Variants in PPIA observed in about 807,000 individuals in gnomAD.
PPIA encodes the protein peptidylprolyl isomerase A.
A neutral mutation model predicts 15.3 loss-of-function variants in PPIA; 2 were observed. The ratio of observed to expected loss-of-function variants is 0.13; its 90% confidence interval spans 0.05 to 0.41. PPIA has a LOEUF of 0.41. Among genes scored for constraint, PPIA ranks in the 10% least tolerant of loss-of-function variants. The pLI is 0.99. For synonymous variants in PPIA, 67 were observed against 73.1 expected, an observed-to-expected ratio of 0.92 and a Z score of 0.43; for missense variants, 103 against 210.3, an observed-to-expected ratio of 0.49 and a Z score of 3.16.
Position 44,799,685 on chromosome 7 carries a change from T to C in PPIA, c.190-17T>C. ...GGTTATGTTGTCAGAAGTGACATTTTTCCTATATGTTGACAGGGTGGTGAC... is the reference window on the plus strand; with the variant it reads ...GGTTATGTTGTCAGAAGTGACATTTCTCCTATATGTTGACAGGGTGGTGAC... On this transcript the variant is annotated splice_polypyrimidine_tract_variant and intron_variant, in intron 3 of 4. Transcript: ENST00000468812. The C allele has an allele frequency of 6.2e-7, 1 of 1,613,916 alleles. No individual in the cohort carries two copies. Among genetic ancestry groups the C allele is most frequent in the Non-Finnish European group, 8.5e-7 (1 of 1,179,814 alleles).
intron 1 of PPIA, 86 bp from the exon 2 acceptor site, chr7:44,799,161 G>A (rs1792468439): frequency 7.1e-7 from 1 of 1,416,098 alleles, no homozygotes. Flanking sequence ...GTGAGAAAAT[G>A]AATTTATGAC....
intron 4 of PPIA, among the ~76,000 whole-genome samples, chr7:44,801,042 C>A (rs1052873498): frequency 1.3e-5 from 2 of 152,134 alleles, no homozygotes; most frequent in African/African-American, 4.8e-5. Flanking sequence ...TGGTCTCGAT[C>A]TCCTGACCTC....
Position 44,801,637 on chromosome 7 carries a change from G to C in PPIA, c.*215G>C. 2 of 420,138 alleles carry C rather than the reference G, an allele frequency of 4.8e-6. No individual in the cohort carries two copies. The highest frequency in any genetic ancestry group is 8.7e-6 in the Non-Finnish European group (2 of 229,104). 26.0% of individuals were successfully genotyped at this position (420,138 alleles called of 1,614,324 possible). ...TAAAAACTAAATAACAATTGTCCTC[G>C]TTTGAGTTAAGAGTGTTGATGTAGG... On this transcript the variant is annotated 3_prime_UTR_variant, in exon 5 of 5. Transcript: ENST00000468812.
chr7:44,796,874 G>C, intron 1 of PPIA, 81 bp downstream of exon 1: 1 of 1,438,184 alleles, frequency 7.0e-7, no homozygotes, highest in Non-Finnish European at 9.4e-7. Context: ...CCAAAGGCCC[G>C]GGCGCGGGGC....
chr7:44,799,966 C>T, intron 4 of PPIA, 92 bp downstream of exon 4: 1 of 1,324,994 alleles, frequency 7.5e-7, no homozygotes, highest in South Asian at 1.3e-5. Context: ...TCAACCTTTG[C>T]TTCCACAGAC....
intron 1 of PPIA, chr7:44,798,618 T>G (rs1792453761): frequency 7.3e-6 from 4 of 548,564 alleles, no homozygotes; most frequent in Admixed American, 6.4e-5. Flanking sequence ...AACAAGCTGT[T>G]TTTATGAAAG....
intron 4 of PPIA, among the ~76,000 whole-genome samples, chr7:44,801,063 C>T (rs879356200): frequency 7.9e-5 from 12 of 151,476 alleles, no homozygotes; most frequent in Non-Finnish European, 1.2e-4. Flanking sequence ...GTGATCCGCC[C>T]GCCTTGGCCT....
At chr7:44,798,621 T>A (rs1238601989) in intron 1 of PPIA, 1 of 563,470 alleles carries the variant, frequency 1.8e-6, no homozygotes, top group Non-Finnish European at 2.2e-6. Flanking sequence ...AAGCTGTTTT[T>A]ATGAAAGGGC....
intron 1 of PPIA, among the ~76,000 whole-genome samples, 172 bp downstream of exon 1, chr7:44,796,965 C>T (rs943943819): frequency 6.6e-6 from 1 of 151,634 alleles, no homozygotes; most frequent in Non-Finnish European, 1.5e-5. Context: ...CCGCGAGTCG[C>T]GGGGAGGAGG....
rs116695343 is a variant in PPIA at position 44,801,231 on chromosome 7, C to G, written c.363-56C>G. 2.1e-5 allele frequency: 34 copies of G among 1,583,870 alleles called. No homozygotes were observed. The African/African-American group carries it at 4.1e-4, about 19-fold the overall frequency. ...ACCTTTCTCGTCTTGGTTCATGACA[C>G]ATGGAGGCTGCTTGTTTGTGGTTGC... is the stretch of plus-strand genomic sequence containing the variant. On this transcript the variant is annotated intron_variant, in intron 4 of 4. Transcript: ENST00000468812.
intron 1 of PPIA, among the ~76,000 whole-genome samples, chr7:44,797,677 G>T (rs1792420904): frequency 6.6e-6 from 1 of 152,250 alleles, no homozygotes; most frequent in Non-Finnish European, 1.5e-5. Flanking sequence ...AGTTCTTAAA[G>T]ATCAGTTGTA....
chr7:44,800,778 T>TG (rs999026129), intron 4 of PPIA, among the ~76,000 whole-genome samples: 2 of 152,018 alleles, frequency 1.3e-5, no homozygotes, highest in Non-Finnish European at 2.9e-5. Context: ...TTTTGTTTTG[T>TG]TTTGTTTGTT....
chr7:44,800,982 T>C (rs1236241708), intron 4 of PPIA, among the ~76,000 whole-genome samples: 3 of 152,118 alleles, frequency 2.0e-5, no homozygotes, highest in Admixed American at 2.0e-4. Flanking sequence ...CATGCCCGGC[T>C]AATTTTTTGT....
chr7:44,797,869 G>C (rs1792427781), intron 1 of PPIA: 1 of 152,160 alleles, frequency 6.6e-6, no homozygotes, highest in Non-Finnish European at 1.5e-5. Flanking sequence ...TCCGAAAATA[G>C]ATTGATCCTC....
intron 3 of PPIA, 27 bp downstream of exon 3, chr7:44,799,507 A>T: frequency 6.2e-7 from 1 of 1,605,532 alleles, no homozygotes; most frequent in Non-Finnish European, 8.5e-7. Flanking sequence ...ATTTTATTTT[A>T]TTTGGGTTGC....
chr7:44,801,362 G>T lies in PPIA; in HGVS notation c.438G>T (p.Gly146=). Residue 146 remains glycine (G), a synonymous_variant, in exon 5 of 5, where the codon GGG becomes GGT. Transcript: ENST00000468812. Reference sequence around the variant, plus strand: ...TTGTGGAGGCCATGGAGCGCTTTGGGTCCAGGAATGGCAAGACCAGCAAGA... The same window carrying T: ...TTGTGGAGGCCATGGAGCGCTTTGGTTCCAGGAATGGCAAGACCAGCAAGA... ...MNIVEAMERF[G]SRNGKTSKKI... 2 of 1,593,522 alleles carry T rather than the reference G, an allele frequency of 1.3e-6. No individual in the cohort carries two copies. Among genetic ancestry groups the T allele is most frequent in the Non-Finnish European group, 1.7e-6 (2 of 1,163,876 alleles).
At chr7:44,796,919 G>A (rs1297946180) in intron 1 of PPIA, 126 bp downstream of exon 1, 26 of 1,087,946 alleles carry the variant, frequency 2.4e-5, no homozygotes, top group Non-Finnish European at 3.0e-5. Flanking sequence ...GGCGGGCTGC[G>A]GCGCCATTTC....
chr7:44,799,187 G>C (rs1792469271), intron 1 of PPIA, 60 bp from the exon 2 acceptor site: 3 of 1,541,992 alleles, frequency 1.9e-6, no homozygotes, highest in Non-Finnish European at 2.7e-6. Flanking sequence ...AGCCCCTAAA[G>C]ACATGGGTAC....
Position 44,801,944 on chromosome 7 carries a change from A to G in PPIA, c.*522A>G, listed in dbSNP as rs1792575358. 2 of 160,074 alleles carry G rather than the reference A, an allele frequency of 1.2e-5. No individual in the cohort carries two copies. The highest frequency in any genetic ancestry group is 2.4e-5 in the African/African-American group (1 of 41,466). The allele number at this position is 160,074 out of a possible 1,614,324, so 9.9% of individuals were successfully genotyped here. On this transcript the variant is annotated 3_prime_UTR_variant, in exon 5 of 5. Transcript: ENST00000468812. ...TAGCCTGGCCTGGTGGTGCATGCCT[A>G]GTCCTAGCTGATCTGGAGGCTGACG...
Sources: allele counts gnomAD v4.1 joint callset (sites outside exome capture counted in the v4.1 genomes callset), GRCh38; gene constraint gnomAD v4.1.1; transcripts MANE v1.5; gene names NCBI Gene and HGNC (gene_info 2026-07-23, HGNC 2026-07-21).